The following WDFY4 variants were observed in gnomAD, a reference collection of about 807,000 sequenced individuals.
The protein encoded by WDFY4 is WD repeat- and FYVE domain-containing protein 4.
A neutral mutation model predicts 351.9 loss-of-function variants in WDFY4; 169 were observed. That is an observed-to-expected ratio of 0.48 (90% CI 0.42 to 0.55). The LOEUF is 0.55. Among genes scored for constraint, WDFY4 ranks in the 20% least tolerant of loss-of-function variants. The pLI, the probability that WDFY4 is intolerant of heterozygous loss-of-function variation, is 0.00. For missense variants in WDFY4, 3,803 were observed against 3,935.6 expected, an observed-to-expected ratio of 0.97 and a Z score of 0.90; for synonymous variants, 1,622 against 1,574.6, an observed-to-expected ratio of 1.03 and a Z score of -0.71.
Position 48,762,105 on chromosome 10 carries a change from T to A in WDFY4, c.2553+1665T>A, listed in dbSNP as rs1198699604. Among the ~76,000 whole-genome samples the A allele has an allele frequency of 3.9e-5, 6 of 152,178 alleles. No homozygotes were observed. The East Asian group carries it at 1.2e-3, about 29-fold the overall frequency. Reference sequence around the variant, plus strand: ...GTCCAGCTTTGCTTTGTCCAGGAGTTCAGACGGAGGCAACATGTTTGGGGA... The same window carrying A: ...GTCCAGCTTTGCTTTGTCCAGGAGTACAGACGGAGGCAACATGTTTGGGGA... On this transcript the variant is annotated intron_variant, in intron 13 of 61. Transcript: ENST00000325239.
intron 24 of WDFY4, among the ~76,000 whole-genome samples, chr10:48,800,259 G>A (rs966430742): frequency 1.3e-5 from 2 of 152,190 alleles, no homozygotes; most frequent in Admixed American, 1.3e-4. Flanking sequence ...AAACCAGACA[G>A]TTAAAATAGT....
At chr10:48,824,232 C>A (rs752160507) in intron 35 of WDFY4, 245 of 970,544 alleles carry the variant, frequency 2.5e-4, no homozygotes, top group Non-Finnish European at 3.0e-4. Flanking sequence ...CTTGCTGAAC[C>A]ACCCAGCCTC....
chr10:48,727,580 T>G lies in WDFY4; in HGVS notation c.892T>G (p.Ser298Ala), dbSNP rs2132315441. The change falls in exon 7 of 62, where the codon TCC becomes GCC. Residue 298 changes from serine (S) to alanine (A), a missense_variant. This residue lies in a region of WDFY4 where 488 missense variants were observed against 456.8 expected (regional missense o/e 1.07). Coordinates refer to ENST00000325239, the MANE Select transcript of WDFY4 (RefSeq NM_001394531.1). ...VSLILGFVKD[S>A]YPVSSALFLE... ...CCTGATCTTGGGATTCGTGAAGGAC[T>G]CCTACCCCGTCTCCTCGGCTCTGTT... is the stretch of plus-strand genomic sequence containing the variant. The G allele has an allele frequency of 1.3e-6, 2 of 1,551,990 alleles. No homozygotes were observed. The highest frequency in any genetic ancestry group is 2.4e-5 in the South Asian group (2 of 84,066).
intron 11 of WDFY4, among the ~76,000 whole-genome samples, chr10:48,739,276 G>A (rs558417931): frequency 1.3e-5 from 2 of 152,312 alleles, no homozygotes; most frequent in African/African-American, 4.8e-5. Context: ...CAAGCTGGAG[G>A]AATACTAACT....
chr10:48,770,312 T>C (rs1053991682), intron 13 of WDFY4, among the ~76,000 whole-genome samples: 1 of 152,228 alleles, frequency 6.6e-6, no homozygotes, highest in Non-Finnish European at 1.5e-5. Context: ...ATTCCTGCTA[T>C]GTTGGGGGGA....
chr10:48,818,387 A>G (rs1277661474), intron 32 of WDFY4, among the ~76,000 whole-genome samples: 1 of 152,230 alleles, frequency 6.6e-6, no homozygotes, highest in Non-Finnish European at 1.5e-5. Context: ...TTCCAGAAGC[A>G]TACCCATGGC....
At chr10:48,920,842 C>T (rs1180463483) in intron 47 of WDFY4, among the ~76,000 whole-genome samples, 1 of 152,176 alleles carries the variant, frequency 6.6e-6, no homozygotes, top group Non-Finnish European at 1.5e-5. Flanking sequence ...ACAAAACACC[C>T]ATTGCATTTC....
At chr10:48,855,527 C>A (rs1351630415) in intron 39 of WDFY4, among the ~76,000 whole-genome samples, 2 of 152,082 alleles carry the variant, frequency 1.3e-5, no homozygotes, top group African/African-American at 4.8e-5. Flanking sequence ...ACTTTTTGGT[C>A]TCAAGACCTG....
intron 20 of WDFY4, among the ~76,000 whole-genome samples, chr10:48,787,908 T>TTC (rs2066507888): frequency 1.6e-4 from 6 of 37,952 alleles, no homozygotes; most frequent in Non-Finnish European, 2.4e-4. Flanking sequence ...TTCTTCTTCT[T>TTC]CTTCTTCTTC....
At chr10:48,698,622 G>A (rs959764895) in intron 1 of WDFY4, among the ~76,000 whole-genome samples, 2 of 152,124 alleles carry the variant, frequency 1.3e-5, no homozygotes, top group African/African-American at 4.8e-5. Context: ...TGAAGGTGTG[G>A]GGTTTATCCA....
chr10:48,893,553 C>T (rs1836919424), intron 44 of WDFY4, among the ~76,000 whole-genome samples: 1 of 152,168 alleles, frequency 6.6e-6, no homozygotes, highest in Non-Finnish European at 1.5e-5. Flanking sequence ...CTGTTTTATT[C>T]AGTTCAACAA....
At chr10:48,791,537 GAGAGCTT>G (rs2066680076) in intron 23 of WDFY4, among the ~76,000 whole-genome samples, 1 of 152,200 alleles carries the variant, frequency 6.6e-6, no homozygotes, top group African/African-American at 2.4e-5. Context: ...TATATGTGTT[GAGAGCTT>G]AGAGGAGCAC....
At chr10:48,960,105 A>G (rs1459425623) in intron 53 of WDFY4, among the ~76,000 whole-genome samples, 2 of 152,196 alleles carry the variant, frequency 1.3e-5, no homozygotes, top group East Asian at 3.8e-4. Flanking sequence ...AGCCAGCCCT[A>G]CAAGAACATC....
intron 2 of WDFY4, among the ~76,000 whole-genome samples, chr10:48,713,770 G>C (rs558772991): frequency 6.6e-6 from 1 of 152,184 alleles, no homozygotes; most frequent in Non-Finnish European, 1.5e-5. Flanking sequence ...CCTGATCTAG[G>C]GTCAGATCCT....
chr10:48,787,935 T>TCTTCTTCTTCTC (rs2066519476), intron 20 of WDFY4, among the ~76,000 whole-genome samples: 1 of 96,364 alleles, frequency 1.0e-5, no homozygotes, highest in Admixed American at 1.2e-4. Flanking sequence ...TTCTTCTTCT[T>TCTTCTTCTTCTC]CTTCTTCTTC....
At chr10:48,939,453 T>C (rs555799331) in intron 47 of WDFY4, among the ~76,000 whole-genome samples, 17 of 152,236 alleles carry the variant, frequency 1.1e-4, no homozygotes, top group Middle Eastern at 3.4e-3. Flanking sequence ...GTGGTGGAGA[T>C]AGAATTTAGA....
In WDFY4 at chr10:48,789,171, C is replaced by T. The variant is rs370809294; in HGVS notation, c.3954+496C>T. ...TACAGGTGTGATTCACAGCAGCACCCAATATTGCTGTGATTAAAACAACAA... is the reference window on the plus strand; with the variant it reads ...TACAGGTGTGATTCACAGCAGCACCTAATATTGCTGTGATTAAAACAACAA... On this transcript the variant is annotated intron_variant, in intron 21 of 61. Transcript: ENST00000325239. 2.2e-3 allele frequency among the ~76,000 whole-genome samples: 331 copies of T among 152,224 alleles called. 2 individuals carry two copies. The highest frequency in any genetic ancestry group is 7.5e-3 in the African/African-American group (311 of 41,534).
chr10:48,688,733 T>C (rs2063120230), intron 1 of WDFY4, among the ~76,000 whole-genome samples: 1 of 152,154 alleles, frequency 6.6e-6, no homozygotes, highest in African/African-American at 2.4e-5. Flanking sequence ...CTAGAGGTGG[T>C]GGTGGCTTGC....
intron 47 of WDFY4, among the ~76,000 whole-genome samples, chr10:48,922,105 G>A (rs1206089981): frequency 6.6e-6 from 1 of 152,110 alleles, no homozygotes; most frequent in Non-Finnish European, 1.5e-5. Context: ...CTGTACAGTA[G>A]TCCCCCTTAT....
Sources: gnomAD v4.1 joint callset for allele counts (sites outside exome capture counted in the v4.1 genomes callset) on GRCh38, gnomAD v4.1.1 for gene constraint, gnomAD v4.1.1 regional missense constraint, MANE v1.5 for transcripts, NCBI Gene and HGNC (gene_info 2026-07-23, HGNC 2026-07-21) for gene names.